Variants in ADGRL2 observed in about 807,000 individuals in gnomAD.
ADGRL2 encodes calcium-independent alpha-latrotoxin receptor 2.
In ADGRL2, 44 loss-of-function variants were observed where a neutral mutation model predicts 157.4. The observed-to-expected ratio is 0.28, with a 90% CI of 0.22 to 0.36. The LOEUF (loss-of-function observed/expected upper bound fraction) is 0.36. Among genes scored for constraint, ADGRL2 ranks in the 10% least tolerant of loss-of-function variants. The pLI is 1.00. For missense variants in ADGRL2, 1,510 were observed against 1,768.9 expected, an observed-to-expected ratio of 0.85 and a Z score of 2.63; for synonymous variants, 585 against 624.7, an observed-to-expected ratio of 0.94 and a Z score of 0.95.
At chr1:81,657,965 T>C (rs2082570611) in intron 3 of ADGRL2, among the ~76,000 whole-genome samples, 2 of 152,222 alleles carry the variant, frequency 1.3e-5, no homozygotes, top group Admixed American at 6.5e-5. Context: ...ATAAAAAGGA[T>C]GGCAAGTCAA....
intron 23 of ADGRL2, among the ~76,000 whole-genome samples, chr1:81,989,283 T>TC (rs746649099): frequency 2.6e-5 from 4 of 152,160 alleles, no homozygotes; most frequent in Non-Finnish European, 2.9e-5. Flanking sequence ...CCATAGTTAA[T>TC]ATTTATTCTT....
rs150559283 is a variant in ADGRL2 at position 81,345,167 on chromosome 1, G to A, written c.-302+38658G>A. On this transcript the variant is annotated intron_variant, in intron 1 of 24. Transcript: ENST00000370721. ...CCAGTGGAAACTACATGCTTTTTAT[G>A]ACCCAGCCTTAGAACTCACATAGTA... Among the ~76,000 whole-genome samples, 449 of 152,264 alleles carry A rather than the reference G, an allele frequency of 2.9e-3. 4 individuals carry two copies. Among genetic ancestry groups the A allele is most frequent in the Non-Finnish European group, 5.4e-3 (367 of 68,018 alleles).
chr1:81,949,297 T>A (rs1053231321), intron 6 of ADGRL2, among the ~76,000 whole-genome samples: 2 of 152,218 alleles, frequency 1.3e-5, no homozygotes, highest in African/African-American at 2.4e-5. Flanking sequence ...TCAGTGGTAA[T>A]TAATGGAAGA....
intron 3 of ADGRL2, among the ~76,000 whole-genome samples, chr1:81,663,225 G>T (rs1252658634): frequency 2.0e-5 from 3 of 152,042 alleles, no homozygotes; most frequent in African/African-American, 7.2e-5. Context: ...GCAGAGAGGA[G>T]ACTAGGAGTC....
chr1:81,747,129 GTATATATGTATACATATATAC>G (rs2085308860), intron 1 of ADGRL2, among the ~76,000 whole-genome samples: 1 of 127,366 alleles, frequency 7.9e-6, no homozygotes, highest in African/African-American at 3.3e-5. Context: ...GTGTATATAT[GTATATATGTATACATATATAC>G]GTATATATGT....
At chr1:81,923,600 T>C (rs1318942887) in intron 3 of ADGRL2, among the ~76,000 whole-genome samples, 1 of 152,144 alleles carries the variant, frequency 6.6e-6, no homozygotes, top group African/African-American at 2.4e-5. Context: ...CTACACAAAA[T>C]TTCTGTAGTT....
intron 2 of ADGRL2, among the ~76,000 whole-genome samples, chr1:81,565,562 G>A (rs1255568747): frequency 2.0e-5 from 3 of 152,180 alleles, no homozygotes; most frequent in East Asian, 1.9e-4. Context: ...GAGGCAATGC[G>A]CAAGCTTTCT....
chr1:81,967,966 A>G, intron 13 of ADGRL2, 60 bp from the exon 14 acceptor site: 2 of 1,348,842 alleles, frequency 1.5e-6, no homozygotes, highest in Non-Finnish European at 2.1e-6. Flanking sequence ...ATATTAAACA[A>G]TTGCTGTTGC....
intron 2 of ADGRL2, among the ~76,000 whole-genome samples, chr1:81,872,740 A>C (rs1037960641): frequency 2.6e-5 from 4 of 152,142 alleles, no homozygotes; most frequent in Non-Finnish European, 5.9e-5. Flanking sequence ...ACACTTAGCT[A>C]TACATATCTA....
intron 2 of ADGRL2, among the ~76,000 whole-genome samples, chr1:81,784,331 A>C (rs2086938348): frequency 6.6e-6 from 1 of 152,192 alleles, no homozygotes; most frequent in South Asian, 2.1e-4. Context: ...TGTTTCAAAA[A>C]CTTTTACAGA....
intron 1 of ADGRL2, among the ~76,000 whole-genome samples, chr1:81,356,781 G>T (rs1024493762): frequency 6.6e-6 from 1 of 151,580 alleles, no homozygotes; most frequent in East Asian, 2.0e-4. Flanking sequence ...GTGAAACCCC[G>T]TCTCTACTAA....
intron 6 of ADGRL2, among the ~76,000 whole-genome samples, chr1:81,949,810 A>T (rs1201956644): frequency 6.6e-6 from 1 of 152,226 alleles, no homozygotes; most frequent in African/African-American, 2.4e-5. Context: ...GATTGCTTAT[A>T]GAATGTGAGT....
At chr1:81,745,963 G>A (rs1044264083) in intron 1 of ADGRL2, among the ~76,000 whole-genome samples, 3 of 152,088 alleles carry the variant, frequency 2.0e-5, no homozygotes, top group Admixed American at 1.3e-4. Context: ...GGCTTTAAAA[G>A]CATGTCAATA....
intron 2 of ADGRL2, among the ~76,000 whole-genome samples, chr1:81,531,324 A>G (rs1420544119): frequency 6.6e-6 from 1 of 152,122 alleles, no homozygotes; most frequent in South Asian, 2.1e-4. Flanking sequence ...AAGAAAAGTC[A>G]TAGACTACAC....
chr1:81,980,471 C>T (rs1480752123), intron 18 of ADGRL2, among the ~76,000 whole-genome samples: 1 of 151,620 alleles, frequency 6.6e-6, no homozygotes. Context: ...GGAGAAAATG[C>T]TATCTAATTA....
Position 81,990,650 on chromosome 1 carries a change from C to T in ADGRL2, c.3915C>T (p.Ser1305=). 1.2e-6 allele frequency: 2 copies of T among 1,614,184 alleles called. No homozygotes were observed. Among genetic ancestry groups the T allele is most frequent in the Non-Finnish European group, 1.7e-6 (2 of 1,180,036 alleles). ...LPVKPVIGGS[S]SEDDAIVADA... is the part of the protein sequence containing the mutation. ...TCAAACCTGTGATTGGAGGTAGCAG[C>T]AGTGAAGATGATGCTATTGTGGCAG... The change falls in exon 24 of 24, where the codon AGC becomes AGT. Residue 1305 remains serine, a synonymous_variant. Coordinates refer to ENST00000686636, the MANE Select transcript of ADGRL2 (RefSeq NM_001366006.2).
chr1:81,320,429 T>C (rs1660422867), intron 1 of ADGRL2, among the ~76,000 whole-genome samples: 2 of 152,204 alleles, frequency 1.3e-5, no homozygotes, highest in Admixed American at 1.3e-4. Context: ...TTCAAATTAA[T>C]TTGCTCAGAC....
chr1:81,366,493 A>G (rs1358548028), intron 1 of ADGRL2, among the ~76,000 whole-genome samples: 2 of 152,162 alleles, frequency 1.3e-5, no homozygotes, highest in African/African-American at 4.8e-5. Context: ...GTAGGTTTCT[A>G]TCTAGTTTTC....
intron 1 of ADGRL2, among the ~76,000 whole-genome samples, chr1:81,390,746 G>C (rs1433333846): frequency 2.0e-5 from 3 of 152,300 alleles, no homozygotes; most frequent in African/African-American, 4.8e-5. Flanking sequence ...AGTACATATT[G>C]ATCTACCATC....
Sources: gnomAD v4.1 joint callset for allele counts (sites outside exome capture counted in the v4.1 genomes callset) on GRCh38, gnomAD v4.1.1 for gene constraint, MANE v1.5 for transcripts, NCBI Gene and HGNC (gene_info 2026-07-23, HGNC 2026-07-21) for gene names.